GNA12: variants seen among roughly 807,000 people sequenced by gnomAD.
The protein encoded by GNA12 is guanine nucleotide-binding protein subunit alpha-12.
Under a neutral mutation model 26.0 loss-of-function variants are expected in GNA12, and 9 were observed. The observed-to-expected ratio is 0.35, with a 90% CI of 0.21 to 0.60. The LOEUF is 0.60. Ranked by LOEUF, GNA12 falls within the 20% of genes least tolerant of loss-of-function variation. GNA12 has a pLI of 0.78. For synonymous variants in GNA12, 264 were observed against 219.6 expected (o/e 1.20, Z -1.79); for missense variants, 405 against 525.8 (o/e 0.77, Z 2.25).
chr7:2,834,946 C>G (rs959318811), intron 1 of GNA12, among the ~76,000 whole-genome samples: 1 of 152,182 alleles, frequency 6.6e-6, no homozygotes, highest in South Asian at 2.1e-4. Context: ...TTAAGCAATG[C>G]GTGACTATGC....
rs142022243 is a variant in GNA12 at position 2,824,563 on chromosome 7, G to A, written c.309+19290C>T. On this transcript the variant is annotated intron_variant, in intron 1 of 3. Transcript: ENST00000275364. ...TGCCTGTTTACCCTGTGGATCGTCT[G>A]TTTCCCACACTAGAATGTAAGCTCT... Among the ~76,000 whole-genome samples, 670 of 152,282 alleles carry A rather than the reference G, an allele frequency of 4.4e-3. 2 individuals are homozygous for A. Among genetic ancestry groups the A allele is most frequent in the African/African-American group, 0.014 (595 of 41,552 alleles).
At chr7:2,787,600 G>A (rs774177113) in intron 2 of GNA12, among the ~76,000 whole-genome samples, 10 of 152,244 alleles carry the variant, frequency 6.6e-5, no homozygotes, top group East Asian at 1.9e-4. Flanking sequence ...GGGAAGCTAC[G>A]TTGGTGAGAG....
intron 1 of GNA12, among the ~76,000 whole-genome samples, chr7:2,839,607 C>T (rs1368291768): frequency 6.6e-6 from 1 of 152,168 alleles, no homozygotes; most frequent in Non-Finnish European, 1.5e-5. Context: ...TGGTCTTGAA[C>T]TCCTGGGTTC....
chr7:2,784,291 T>C (rs1429412475), intron 2 of GNA12, among the ~76,000 whole-genome samples: 1 of 152,086 alleles, frequency 6.6e-6, no homozygotes, highest in Non-Finnish European at 1.5e-5. Flanking sequence ...ATAATCTTTT[T>C]GTATTTTTGG....
chr7:2,803,997 T>A (rs892426258), intron 1 of GNA12, among the ~76,000 whole-genome samples: 93 of 152,340 alleles, frequency 6.1e-4, no homozygotes, highest in Non-Finnish European at 2.9e-4. Context: ...CCTCTCCTGT[T>A]CTTCCAGGGG....
At chr7:2,835,981 G>C in intron 1 of GNA12, 1 of 457,636 alleles carries the variant, frequency 2.2e-6, no homozygotes, top group South Asian at 2.2e-5. Flanking sequence ...TCAGTTGTAT[G>C]CAAAATTTGG....
chr7:2,762,500 T>G (rs772944460), intron 2 of GNA12: 3 of 853,428 alleles, frequency 3.5e-6, no homozygotes, highest in Non-Finnish European at 5.2e-6. Context: ...GAGGTGTGAG[T>G]AGCCTAACTG....
At chr7:2,745,025 G>T (rs1790698025) in intron 2 of GNA12, among the ~76,000 whole-genome samples, 1 of 152,206 alleles carries the variant, frequency 6.6e-6, no homozygotes, top group African/African-American at 2.4e-5. Flanking sequence ...TATGTGAAAA[G>T]ACCAAATCTA....
At chr7:2,787,760 C>T (rs1486784128) in intron 2 of GNA12, among the ~76,000 whole-genome samples, 1 of 152,216 alleles carries the variant, frequency 6.6e-6, no homozygotes, top group Non-Finnish European at 1.5e-5. Flanking sequence ...TACAGCAAGG[C>T]CCAGCACTCA....
rs1023498381 is a variant in GNA12 at position 2,788,605 on chromosome 7, C to T, written c.525+6323G>A. ...GCAATTCTGTACCTAAAGATGCTAC[C>T]GGCCTGCTCACAGGCCATGTTTGGA... is the stretch of plus-strand genomic sequence containing the variant. On this transcript the variant is annotated intron_variant, in intron 2 of 3. Coordinates refer to ENST00000275364, the MANE Select transcript of GNA12 (RefSeq NM_007353.3). Among the ~76,000 whole-genome samples the T allele has an allele frequency of 5.9e-5, 9 of 152,210 alleles. No homozygotes were observed. In the East Asian group the frequency reaches 7.7e-4, roughly 13 times the overall value.
chr7:2,800,203 G>A (rs1411350844), intron 1 of GNA12, among the ~76,000 whole-genome samples: 2 of 152,244 alleles, frequency 1.3e-5, no homozygotes, highest in African/African-American at 2.4e-5. Flanking sequence ...GCTCTAGGAT[G>A]TTATGTTAAA....
intron 1 of GNA12, among the ~76,000 whole-genome samples, chr7:2,804,476 TGCTACAAG>T (rs1476094734): frequency 6.6e-6 from 1 of 152,190 alleles, no homozygotes; most frequent in Non-Finnish European, 1.5e-5. Flanking sequence ...TAGATGAGCC[TGCTACAAG>T]GCTGGCTTTC....
intron 2 of GNA12, among the ~76,000 whole-genome samples, chr7:2,788,152 C>CA (rs111308450): frequency 0.26 from 36,150 of 141,408 alleles, 5,052 homozygotes; most frequent in Non-Finnish European, 0.32. Flanking sequence ...AGACTGTCTC[C>CA]AAAAAAAAAA....
intron 2 of GNA12, among the ~76,000 whole-genome samples, chr7:2,790,457 G>A (rs1421410794): frequency 6.6e-6 from 1 of 152,126 alleles, no homozygotes; most frequent in Non-Finnish European, 1.5e-5. Flanking sequence ...TTATTTGCTT[G>A]CATGTCTGTC....
At chr7:2,759,175 A>ATAAG (rs1203570521) in intron 2 of GNA12, among the ~76,000 whole-genome samples, 11 of 149,320 alleles carry the variant, frequency 7.4e-5, no homozygotes, top group African/African-American at 2.7e-4. Context: ...AAATAAATAA[A>ATAAG]TAAATAAATA....
chr7:2,814,242 G>T, intron 1 of GNA12: 1 of 828,454 alleles, frequency 1.2e-6, no homozygotes, highest in Non-Finnish European at 2.1e-6. Flanking sequence ...TGTTGGCTGT[G>T]CTTCTTTGGA....
chr7:2,731,610 G>T lies in GNA12; in HGVS notation c.717C>A (p.Phe239Leu), dbSNP rs1431626569. 1 of 1,613,864 alleles carries T rather than the reference G, an allele frequency of 6.2e-7. No homozygotes were observed. Among genetic ancestry groups the T allele is most frequent in the African/African-American group, 1.3e-5 (1 of 74,914 alleles). The change falls in exon 4 of 4, where the codon TTC becomes TTA. Residue 239 changes from phenylalanine to leucine, a missense_variant. By Grantham distance (22) the Phe-to-Leu change is conservative. Transcript: ENST00000275364. This position sits in a 1 kb window ranked among gnomAD's most constrained non-coding sequence, Gnocchi z 6.0. ...TGGACGTGATCCCGTCGAAGCACTG[G>T]AACCACTTCTGGCGCTGGGACCGCT... is the stretch of plus-strand genomic sequence containing the variant. Reference protein sequence around the residue: ...GGQRSQRQKWFQCFDGITSIL... With the variant: ...GGQRSQRQKWLQCFDGITSIL...
At chr7:2,837,879 GA>G (rs1488245770) in intron 1 of GNA12, among the ~76,000 whole-genome samples, 1 of 151,984 alleles carries the variant, frequency 6.6e-6, no homozygotes, top group Non-Finnish European at 1.5e-5. Context: ...CAAAAGGGGG[GA>G]AAAGATAATA....
chr7:2,731,815 A>G lies in GNA12; in HGVS notation c.577-65T>C. 1 of 815,780 alleles carries G rather than the reference A, an allele frequency of 1.2e-6. No homozygotes were observed. The highest frequency in any genetic ancestry group is 2.7e-5 in the East Asian group (1 of 37,498). 50.5% of individuals were successfully genotyped at this position (815,780 alleles called of 1,614,324 possible). Reference sequence around the variant, plus strand: ...AGAAAGAACAGAGAAAATAGAAACAAAAAGATGGCAAAAAGATAAGAAGGA... The same window carrying G: ...AGAAAGAACAGAGAAAATAGAAACAGAAAGATGGCAAAAAGATAAGAAGGA... On this transcript the variant is annotated intron_variant, in intron 3 of 3. Transcript: ENST00000275364. This position sits in a 1 kb window ranked among gnomAD's most constrained non-coding sequence, Gnocchi z 6.0.
Sources: gnomAD v4.1 joint callset for allele counts (sites outside exome capture counted in the v4.1 genomes callset) on GRCh38, gnomAD v4.1.1 for gene constraint, Gnocchi (gnomAD v3.1) non-coding constraint, MANE v1.5 for transcripts, NCBI Gene and HGNC (gene_info 2026-07-23, HGNC 2026-07-21) for gene names.